Variants in XIRP2 observed in about 807,000 individuals in gnomAD.
XIRP2 encodes xin actin-binding repeat-containing protein 2.
A neutral mutation model predicts 277.0 loss-of-function variants in XIRP2; 236 were observed. The ratio of observed to expected loss-of-function variants is 0.85; its 90% CI spans 0.77 to 0.95. XIRP2 has a LOEUF of 0.95. Ranked by LOEUF, XIRP2 falls within the 40% of genes least tolerant of loss-of-function variation. The pLI is 0.00. For missense variants in XIRP2, 4,640 were observed against 4,157.5 expected (o/e 1.12, Z -3.19); for synonymous variants, 1,490 against 1,416.5 (o/e 1.05, Z -1.17).
intron 2 of XIRP2, among the ~76,000 whole-genome samples, chr2:166,934,880 A>T (rs1410141470): frequency 6.6e-6 from 1 of 152,088 alleles, no homozygotes; most frequent in Non-Finnish European, 1.5e-5. Flanking sequence ...AAAGAAAAAT[A>T]ATTAACTAGT....
chr2:167,232,033 ACCCATTGCCT>A (rs1262699458), intron 5 of XIRP2, among the ~76,000 whole-genome samples: 1 of 151,938 alleles, frequency 6.6e-6, no homozygotes, highest in African/African-American at 2.4e-5. Flanking sequence ...CACCCCTGCC[ACCCATTGCCT>A]CTTCAATAAA....
Position 167,248,762 on chromosome 2 carries a change from T to A in XIRP2, c.7370T>A (p.Ile2457Asn). ...ATSLSDMECK[I>N]TTSKDQKKVM... ...TCCCTGTCAGATATGGAATGTAAAA[T>A]TACTACCTCAAAGGATCAGAAAAAA... The change falls in exon 9 of 11, where the codon ATT becomes AAT. Residue 2457 changes from isoleucine to asparagine, a missense_variant. Transcript: ENST00000409195. 6.2e-7 allele frequency: 1 copy of A among 1,613,616 alleles called. No homozygotes were observed. The highest frequency in any genetic ancestry group is 1.1e-5 in the South Asian group (1 of 91,076).
At position 166,929,175 on chromosome 2, in the gene XIRP2, A is replaced by G. The variant is rs1175818480; in HGVS notation, c.408+25285A>G. 5.3e-5 allele frequency among the ~76,000 whole-genome samples: 8 copies of G among 151,810 alleles called. No individual in the cohort carries two copies. In the East Asian group the frequency reaches 1.6e-3, roughly 29 times the overall value. ...GGAAGGGTGAGCAATCTGTGTTTGA[A>G]CAAGCCCTCCAGATGATTCTAATGC... On this transcript the variant is annotated intron_variant, in intron 2 of 10. Transcript: ENST00000409195.
intron 2 of XIRP2, among the ~76,000 whole-genome samples, chr2:166,908,938 A>G (rs1343288333): frequency 6.6e-6 from 1 of 151,966 alleles, no homozygotes; most frequent in Non-Finnish European, 1.5e-5. Flanking sequence ...GATGTGTGCT[A>G]TTATTTCTGA....
rs762658908 is a variant in XIRP2, at chr2:167,246,331, T to C, written c.4939T>C (p.Phe1647Leu). The part of the protein sequence containing the change: ...KTQLLNRSTE[F>L]HAEKEEIVKG... Reference sequence around the variant, plus strand: ...TCAATTATTAAACAGATCAACTGAATTTCATGCTGAAAAAGAAGAGATAGT... The same window carrying C: ...TCAATTATTAAACAGATCAACTGAACTTCATGCTGAAAAAGAAGAGATAGT... The change falls in exon 9 of 11, where the codon TTT (phenylalanine) becomes CTT (leucine). Residue 1647 changes from phenylalanine (F) to leucine (L), a missense_variant. By Grantham distance (22) the Phe-to-Leu change is conservative (BLOSUM62 0). Coordinates refer to ENST00000409195, the MANE Select transcript of XIRP2 (RefSeq NM_152381.6). The C allele has an allele frequency of 2.5e-6, 4 of 1,612,708 alleles. No individual in the cohort carries two copies. Among genetic ancestry groups the C allele is most frequent in the Admixed American group, 3.3e-5 (2 of 59,806 alleles).
chr2:167,182,292 T>C lies in XIRP2; in HGVS notation c.563-28443T>C, dbSNP rs143261912. ...TAGCTAATAATATGAAACTTTCATATTCATATGTTTGCTCTTTAATTCTAA... is the reference window on the plus strand; with the variant it reads ...TAGCTAATAATATGAAACTTTCATACTCATATGTTTGCTCTTTAATTCTAA... On this transcript the variant is annotated intron_variant, in intron 3 of 10. Coordinates refer to ENST00000409195, the MANE Select transcript of XIRP2 (RefSeq NM_152381.6). 9.2e-5 allele frequency among the ~76,000 whole-genome samples: 14 copies of C among 152,338 alleles called. 1 individual carries two copies. The East Asian group carries it at 2.5e-3, about 27-fold the overall frequency.
chr2:167,053,905 T>C (rs1245922647), intron 2 of XIRP2, among the ~76,000 whole-genome samples: 1 of 152,162 alleles, frequency 6.6e-6, no homozygotes, highest in African/African-American at 2.4e-5. Context: ...AGTGAGAAGA[T>C]GCAAAAAAAT....
At chr2:167,256,255 GT>G (rs1428655578) in intron 10 of XIRP2, among the ~76,000 whole-genome samples, 8 of 151,250 alleles carry the variant, frequency 5.3e-5, no homozygotes, top group Non-Finnish European at 1.2e-4. Flanking sequence ...TACCTTGAAT[GT>G]TTTTTGCCTA....
chr2:166,916,346 C>A (rs919965162), intron 2 of XIRP2, among the ~76,000 whole-genome samples: 1 of 152,176 alleles, frequency 6.6e-6, no homozygotes, highest in Non-Finnish European at 1.5e-5. Context: ...AGGCAGTTAC[C>A]TCTGTCAGCC....
chr2:167,105,750 G>A (rs1056789182), intron 2 of XIRP2, among the ~76,000 whole-genome samples: 1 of 151,756 alleles, frequency 6.6e-6, no homozygotes, highest in Admixed American at 6.6e-5. Flanking sequence ...GTTTTCCAGA[G>A]TACATGTACC....
At chr2:166,923,501 AATAG>A (rs1267439635) in intron 2 of XIRP2, among the ~76,000 whole-genome samples, 2 of 152,130 alleles carry the variant, frequency 1.3e-5, no homozygotes, top group Non-Finnish European at 2.9e-5. Context: ...TTATTTCCAA[AATAG>A]ATAGCCATTA....
intron 2 of XIRP2, among the ~76,000 whole-genome samples, chr2:166,945,447 A>G (rs1031075641): frequency 4.6e-5 from 7 of 152,140 alleles, no homozygotes; most frequent in Non-Finnish European, 1.0e-4. Context: ...GAGCTGTAAA[A>G]AGTAAATTGG....
At chr2:167,145,095 A>T (rs2087943689) in intron 3 of XIRP2, among the ~76,000 whole-genome samples, 3 of 152,172 alleles carry the variant, frequency 2.0e-5, no homozygotes, top group Admixed American at 2.0e-4. Flanking sequence ...AGAATGATTT[A>T]TTCTATCTAT....
intron 4 of XIRP2, among the ~76,000 whole-genome samples, chr2:167,211,222 C>T (rs1310490647): frequency 6.6e-6 from 1 of 151,998 alleles, no homozygotes; most frequent in African/African-American, 2.4e-5. Flanking sequence ...CTCAGCCTCC[C>T]GAGTAGCTGG....
chr2:167,066,839 G>T (rs1371564817), intron 2 of XIRP2, among the ~76,000 whole-genome samples: 1 of 152,096 alleles, frequency 6.6e-6, no homozygotes, highest in Non-Finnish European at 1.5e-5. Flanking sequence ...TGACAGCATG[G>T]CTGAACCTGG....
At position 167,246,606 on chromosome 2, in the gene XIRP2, T is replaced by C. The variant is rs1459371274; in HGVS notation, c.5214T>C (p.Ser1738=). The change falls in exon 9 of 11, where the codon TCT becomes TCC. Residue 1738 remains serine (S), a synonymous_variant. Transcript: ENST00000409195. ...KISERAKIDA[S]ERGNVQFFTT... The stretch of plus-strand genomic sequence containing the variant: ...CTGAAAGGGCTAAAATTGATGCCTC[T>C]GAGAGAGGAAATGTTCAGTTTTTCA... 3.1e-6 allele frequency: 5 copies of C among 1,613,678 alleles called. No homozygotes were observed. Among genetic ancestry groups the C allele is most frequent in the Non-Finnish European group, 4.2e-6 (5 of 1,179,858 alleles).
chr2:167,152,800 C>G (rs758453112), intron 3 of XIRP2, among the ~76,000 whole-genome samples: 14 of 152,068 alleles, frequency 9.2e-5, no homozygotes, highest in Non-Finnish European at 1.6e-4. Context: ...CCCCCCAACT[C>G]CACCACTCCA....
intron 2 of XIRP2, among the ~76,000 whole-genome samples, chr2:167,017,271 C>A (rs1017281188): frequency 1.3e-5 from 2 of 151,932 alleles, no homozygotes; most frequent in African/African-American, 4.8e-5. Context: ...TTTCCTCTAA[C>A]CTTCAATTAC....
At position 167,247,942 on chromosome 2, in the gene XIRP2, A is replaced by G; in HGVS notation, c.6550A>G (p.Lys2184Glu). Residue 2184 changes from lysine to glutamate, a missense_variant, in exon 9 of 11, where the codon AAG becomes GAG. Transcript: ENST00000409195. Reference protein sequence around the residue: ...GTYDLSGDFQKQTLLKQETKY... With the variant: ...GTYDLSGDFQEQTLLKQETKY... ...TTACGACCTTTCAGGGGACTTTCAG[A>G]AGCAAACTTTGTTAAAGCAAGAAAC... 1.2e-6 allele frequency: 2 copies of G among 1,610,350 alleles called. No homozygotes were observed. The highest frequency in any genetic ancestry group is 1.7e-6 in the Non-Finnish European group (2 of 1,179,020).
Sources: allele counts gnomAD v4.1 joint callset (sites outside exome capture counted in the v4.1 genomes callset), GRCh38; gene constraint gnomAD v4.1.1; transcripts MANE v1.5; gene names NCBI Gene and HGNC (gene_info 2026-07-23, HGNC 2026-07-21).